The following ZNF608 variants were observed in gnomAD, a reference collection of about 807,000 sequenced individuals.
ZNF608 encodes zinc finger protein 608.
A neutral mutation model predicts 109.0 loss-of-function variants in ZNF608; 12 were observed. That is an observed-to-expected ratio of 0.11 (90% CI 0.07 to 0.18). The LOEUF (loss-of-function observed/expected upper bound fraction) is 0.18. Ranked by LOEUF, ZNF608 falls within the 10% of genes least tolerant of loss-of-function variation. The pLI is 1.00. For synonymous variants in ZNF608, 732 were observed against 717.4 expected, an observed-to-expected ratio of 1.02 and a Z score of -0.33; for missense variants, 1,707 against 1,879.3, an observed-to-expected ratio of 0.91 and a Z score of 1.70.
chr5:124,672,208 C>A (rs934355064), intron 3 of ZNF608, among the ~76,000 whole-genome samples: 4 of 152,088 alleles, frequency 2.6e-5, no homozygotes, highest in African/African-American at 9.7e-5. Flanking sequence ...AATCCTAGTG[C>A]TCATTAATTA....
chr5:124,684,680 T>A (rs926552058), intron 3 of ZNF608, among the ~76,000 whole-genome samples: 1 of 151,828 alleles, frequency 6.6e-6, no homozygotes, highest in South Asian at 2.1e-4. Flanking sequence ...GAAGTGAGAG[T>A]TCCCAACAGA....
At chr5:124,739,696 A>T (rs1259850814) in intron 2 of ZNF608, among the ~76,000 whole-genome samples, 3 of 152,172 alleles carry the variant, frequency 2.0e-5, no homozygotes, top group Non-Finnish European at 4.4e-5. Flanking sequence ...ATATTACTGC[A>T]ATTTCAAGTT....
chr5:124,688,790 T>G (rs985153467), intron 3 of ZNF608, among the ~76,000 whole-genome samples: 5 of 152,242 alleles, frequency 3.3e-5, no homozygotes, highest in Admixed American at 3.3e-4. Flanking sequence ...ATCTTTGGTG[T>G]GTCCATTCCA....
chr5:124,655,666 CATATT>C (rs2149797317), intron 3 of ZNF608, among the ~76,000 whole-genome samples: 1 of 152,250 alleles, frequency 6.6e-6, no homozygotes, highest in African/African-American at 2.4e-5. Context: ...TTTCAGATAT[CATATT>C]ACCCTCCATT....
At chr5:124,717,011 G>C (rs908287058) in intron 2 of ZNF608, among the ~76,000 whole-genome samples, 5 of 152,168 alleles carry the variant, frequency 3.3e-5, no homozygotes, top group Non-Finnish European at 5.9e-5. Flanking sequence ...GAACCTGGGA[G>C]ACGGAGGTTG....
At chr5:124,642,210 T>G (rs906601985) in intron 7 of ZNF608, among the ~76,000 whole-genome samples, 6 of 152,230 alleles carry the variant, frequency 3.9e-5, no homozygotes, top group African/African-American at 1.4e-4. Context: ...CACCATCCTA[T>G]TTTTGTTTAG....
intron 3 of ZNF608, among the ~76,000 whole-genome samples, chr5:124,689,211 C>T (rs1386880776): frequency 2.6e-5 from 4 of 152,156 alleles, no homozygotes; most frequent in East Asian, 1.9e-4. Flanking sequence ...TACAGTGATA[C>T]GCTTGTGATG....
intron 3 of ZNF608, among the ~76,000 whole-genome samples, chr5:124,687,444 T>C (rs1752449937): frequency 6.6e-6 from 1 of 152,190 alleles, no homozygotes; most frequent in Non-Finnish European, 1.5e-5. Context: ...GTCTCAAATA[T>C]ATATATTGAA....
At chr5:124,694,874 C>T (rs942240831) in intron 3 of ZNF608, among the ~76,000 whole-genome samples, 1 of 152,174 alleles carries the variant, frequency 6.6e-6, no homozygotes, top group African/African-American at 2.4e-5. Context: ...ACCATCCACA[C>T]TTTCACTGAC....
At chr5:124,714,672 C>G (rs1035680137) in intron 2 of ZNF608, among the ~76,000 whole-genome samples, 2 of 152,056 alleles carry the variant, frequency 1.3e-5, no homozygotes, top group Non-Finnish European at 2.9e-5. Context: ...ACATAAAGCC[C>G]GTCGTAGTAT....
chr5:124,708,348 G>T (rs1281901080), intron 2 of ZNF608, among the ~76,000 whole-genome samples: 5 of 152,212 alleles, frequency 3.3e-5, no homozygotes, highest in Non-Finnish European at 5.9e-5. Context: ...AACTTAAAAG[G>T]TCACTCAGGG....
At chr5:124,644,932 C>T (rs1232581609) in intron 5 of ZNF608, among the ~76,000 whole-genome samples, 1 of 152,164 alleles carries the variant, frequency 6.6e-6, no homozygotes, top group East Asian at 1.9e-4. Flanking sequence ...CATGCTGCTG[C>T]CCAGTCGTGG....
intron 3 of ZNF608, among the ~76,000 whole-genome samples, chr5:124,677,413 G>A (rs1376601177): frequency 6.6e-6 from 1 of 152,134 alleles, no homozygotes. Flanking sequence ...ACAGTCTATG[G>A]TGTCCTGATC....
intron 3 of ZNF608, among the ~76,000 whole-genome samples, chr5:124,694,485 G>GGTA (rs1752761369): frequency 6.6e-6 from 1 of 151,918 alleles, no homozygotes; most frequent in African/African-American, 2.4e-5. Context: ...TGTGAAAGTG[G>GGTA]GTAGCACTTG....
intron 8 of ZNF608, among the ~76,000 whole-genome samples, chr5:124,641,007 GAT>G (rs1750211307): frequency 6.6e-6 from 1 of 152,164 alleles, no homozygotes; most frequent in Non-Finnish European, 1.5e-5. Context: ...CAGTCTGTGA[GAT>G]AACAGTAAGC....
intron 3 of ZNF608, among the ~76,000 whole-genome samples, chr5:124,652,908 C>G (rs1750854907): frequency 6.6e-6 from 1 of 152,234 alleles, no homozygotes; most frequent in African/African-American, 2.4e-5. Context: ...AATAAGTGTA[C>G]ACTTATTCCA....
intron 2 of ZNF608, among the ~76,000 whole-genome samples, chr5:124,702,990 A>G (rs150409474): frequency 6.6e-6 from 1 of 152,172 alleles, no homozygotes; most frequent in Non-Finnish European, 1.5e-5. Context: ...AAAAAAAACA[A>G]TGCTACCTAG....
At chr5:124,707,150 T>C (rs1288684664) in intron 2 of ZNF608, among the ~76,000 whole-genome samples, 1 of 152,158 alleles carries the variant, frequency 6.6e-6, no homozygotes, top group East Asian at 1.9e-4. Flanking sequence ...GGCATTTCAC[T>C]GTGTTGGTCA....
chr5:124,712,069 C>T (rs990440945), intron 2 of ZNF608, among the ~76,000 whole-genome samples: 3 of 152,098 alleles, frequency 2.0e-5, no homozygotes, highest in African/African-American at 7.2e-5. Flanking sequence ...ATCACTTGAA[C>T]CCAGGAGGCA....
Sources: gnomAD v4.1 joint callset for allele counts (sites outside exome capture counted in the v4.1 genomes callset) on GRCh38, gnomAD v4.1.1 for gene constraint, MANE v1.5 for transcripts, NCBI Gene and HGNC (gene_info 2026-07-23, HGNC 2026-07-21) for gene names.